AVEN: variants seen among roughly 807,000 people sequenced by gnomAD.
The protein encoded by AVEN is apoptosis and caspase activation inhibitor.
AVEN carries 41 observed loss-of-function variants against 38.1 expected under a neutral mutation model. The ratio of observed to expected loss-of-function variants is 1.08; its 90% CI spans 0.84 to 1.40. AVEN has a LOEUF of 1.40. Ranked by LOEUF, AVEN falls within the 40% of genes most tolerant of loss-of-function variation. The pLI is 0.00. For synonymous variants in AVEN, 206 were observed against 171.8 expected (o/e 1.20, Z -1.56); for missense variants, 605 against 438.8 (o/e 1.38, Z -3.38).
chr15:34,069,291 G>A (rs1048659393), intron 2 of AVEN, among the ~76,000 whole-genome samples: 10 of 152,088 alleles, frequency 6.6e-5, no homozygotes, highest in African/African-American at 1.2e-4. Flanking sequence ...ATGGTGGTGC[G>A]TGCCTGTAAT....
At chr15:34,008,294 C>T (rs548097590) in intron 1 of AVEN, among the ~76,000 whole-genome samples, 4 of 151,820 alleles carry the variant, frequency 2.6e-5, no homozygotes, top group Non-Finnish European at 5.9e-5. Context: ...GGTGGTGTAC[C>T]TCTGTTGTCC....
intron 2 of AVEN, among the ~76,000 whole-genome samples, chr15:33,897,522 A>G (rs1892283881): frequency 6.6e-6 from 1 of 152,030 alleles, no homozygotes; most frequent in Non-Finnish European, 1.5e-5. Flanking sequence ...TGCCTGCCTC[A>G]GCTTCCCAAA....
chr15:33,911,166 T>C (rs531719010), intron 2 of AVEN, among the ~76,000 whole-genome samples: 9 of 152,268 alleles, frequency 5.9e-5, no homozygotes, highest in Admixed American at 2.0e-4. Flanking sequence ...CCTCTTCTCA[T>C]CACTCACAGT....
chr15:33,857,854 G>A, downstream of AVEN: 1 of 1,614,188 alleles, frequency 6.2e-7, no homozygotes, highest in Non-Finnish European at 8.5e-7. Context: ...TCTTCCGCAA[G>A]TTCTACAACA....
rs151195318 is a variant in AVEN, at chr15:33,920,574, T to C, written c.446-44579A>G. ...CTTTTATCTTTCAACGAAAAGAACA[T>C]GCTCCTTTTCTGATAACAAAAGTAA... On this transcript the variant is annotated intron_variant, in intron 2 of 5. Transcript: ENST00000306730. Among the ~76,000 whole-genome samples, 11 of 152,300 alleles carry C rather than the reference T, an allele frequency of 7.2e-5. No homozygotes were observed. The East Asian group carries it at 1.5e-3, about 21-fold the overall frequency.
intron 2 of AVEN, among the ~76,000 whole-genome samples, chr15:33,980,752 G>A (rs1896102191): frequency 6.6e-6 from 1 of 152,192 alleles, no homozygotes; most frequent in South Asian, 2.1e-4. Context: ...GCTCTAAGCA[G>A]AGTGTAGGCA....
At chr15:34,049,214 T>G (rs1204798741) in intron 5 of AVEN, among the ~76,000 whole-genome samples, 1 of 152,144 alleles carries the variant, frequency 6.6e-6, no homozygotes, top group Non-Finnish European at 1.5e-5. Flanking sequence ...GATGGCTGAA[T>G]TGACAGAACT....
In AVEN at chr15:34,039,135, C is replaced by G. The variant is rs965039997; in HGVS notation, c.-89G>C. On this transcript the variant is annotated 5_prime_UTR_variant, in exon 1 of 6. Coordinates refer to ENST00000306730, the MANE Select transcript of AVEN (RefSeq NM_020371.3). ...ACCGGAAGCGGGCCGCACGGAGGAG[C>G]CGCGAGCGAAAGGCGCCCGGTAGCA... 3 of 1,029,382 alleles carry G rather than the reference C, an allele frequency of 2.9e-6. No individual in the cohort carries two copies. In the African/African-American group the frequency reaches 5.2e-5, roughly 18 times the overall value. 63.8% of individuals were successfully genotyped at this position (1,029,382 alleles called of 1,614,324 possible).
downstream of AVEN, chr15:33,854,835 G>A (rs775354657): frequency 1.9e-6 from 3 of 1,613,780 alleles, no homozygotes; most frequent in South Asian, 3.3e-5. Context: ...CTTCTTTGCT[G>A]CTCACCTATT....
exon 1 of AVEN, among the ~76,000 whole-genome samples, chr15:34,074,541 T>G (rs1900695281): frequency 6.6e-6 from 1 of 152,152 alleles, no homozygotes; most frequent in Non-Finnish European, 1.5e-5. Context: ...CTCTCCTAGC[T>G]TCTGGTAGTC....
At chr15:33,854,462 C>T (rs2079432874), downstream of AVEN, 1 of 1,551,656 alleles carries the variant, frequency 6.4e-7, no homozygotes, top group Non-Finnish European at 8.7e-7. Flanking sequence ...AAGTACTGCA[C>T]CTGGAAAAAC....
At chr15:33,859,226 G>C in intron 11 of AVEN, 1 of 214,078 alleles carries the variant, frequency 4.7e-6, no homozygotes, top group East Asian at 1.0e-4. Context: ...AGCACAGCCT[G>C]AAGGCCAGGC....
chr15:33,875,833 C>G, intron 3 of AVEN, 92 bp downstream of exon 3: 1 of 1,242,742 alleles, frequency 8.0e-7, no homozygotes, highest in Non-Finnish European at 1.1e-6. Context: ...CTACTCTTTT[C>G]TACATGAAGA....
chr15:33,894,983 CACT>C, intron 2 of AVEN, among the ~76,000 whole-genome samples: 1 of 151,708 alleles, frequency 6.6e-6, no homozygotes, highest in Non-Finnish European at 1.5e-5. Flanking sequence ...TTAAACTTTG[CACT>C]ACCTTTTGGA....
chr15:33,904,993 T>G (rs7403637), intron 2 of AVEN, among the ~76,000 whole-genome samples: 130,351 of 151,460 alleles, frequency 0.86, 58,281 homozygotes, highest in Non-Finnish European at 0.98. Flanking sequence ...GGCCGGGTGT[T>G]GTGGCACACG....
At chr15:33,943,251 A>G (rs1894382432) in intron 2 of AVEN, among the ~76,000 whole-genome samples, 1 of 152,252 alleles carries the variant, frequency 6.6e-6, no homozygotes, top group Admixed American at 6.5e-5. Flanking sequence ...GTATATATAC[A>G]CTATGGAACA....
upstream of AVEN, among the ~76,000 whole-genome samples, chr15:34,043,747 TCTC>T (rs1159303795): frequency 1.3e-5 from 2 of 152,220 alleles, no homozygotes; most frequent in South Asian, 2.1e-4. Context: ...GACAATATCT[TCTC>T]CTCTCTCCTT....
intron 2 of AVEN, among the ~76,000 whole-genome samples, chr15:33,910,927 C>A (rs1042079669): frequency 6.6e-6 from 1 of 152,126 alleles, no homozygotes; most frequent in Non-Finnish European, 1.5e-5. Context: ...TCTTAGGAGA[C>A]GTCAAGATCA....
chr15:33,904,694 A>AAAAATATATATATAT (rs1464894437), intron 2 of AVEN, among the ~76,000 whole-genome samples: 2 of 112,736 alleles, frequency 1.8e-5, no homozygotes, highest in African/African-American at 5.8e-5. Context: ...AAAAAAAAAA[A>AAAAATATATATATAT]ATATATATAT....
Sources: allele counts gnomAD v4.1 joint callset (sites outside exome capture counted in the v4.1 genomes callset), GRCh38; gene constraint gnomAD v4.1.1; transcripts MANE v1.5; gene names NCBI Gene and HGNC (gene_info 2026-07-23, HGNC 2026-07-21).